Variants in GGT5 observed in about 807,000 individuals in gnomAD.
The protein encoded by GGT5 is gamma-glutamyltransferase 5, also known as glutathione hydrolase 5 proenzyme.
A neutral mutation model predicts 58.1 loss-of-function variants in GGT5; 50 were observed. The observed-to-expected ratio is 0.86, with a 90% CI of 0.69 to 1.09. The LOEUF (loss-of-function observed/expected upper bound fraction) is 1.09, where lower values mean the gene tolerates loss of function less well. Among genes scored for constraint, GGT5 ranks in the 50% least tolerant of loss-of-function variants. The pLI is 0.00. For missense variants in GGT5, 800 were observed against 789.4 expected (o/e 1.01, Z -0.16); for synonymous variants, 370 against 346.1 (o/e 1.07, Z -0.77).
At chr22:24,234,040 C>T (rs1345089651) in intron 1 of GGT5, 36 bp from the exon 2 acceptor site, 1 of 1,561,144 alleles carries the variant, frequency 6.4e-7, no homozygotes, top group Non-Finnish European at 8.7e-7. Flanking sequence ...GTGGGGCTCC[C>T]CTCCCCCTGC....
In GGT5 at chr22:24,219,749, G is replaced by C; in HGVS notation, c.*221C>G. ...CAGGCAAGAGGCCTGCGGAGGGATAGAGGGGCCGGTTCAGGACCACCAGGG... is the reference window on the plus strand; with the variant it reads ...CAGGCAAGAGGCCTGCGGAGGGATACAGGGGCCGGTTCAGGACCACCAGGG... On this transcript the variant is annotated 3_prime_UTR_variant, in exon 12 of 12. Coordinates refer to ENST00000327365, the MANE Select transcript of GGT5 (RefSeq NM_004121.5). The C allele has an allele frequency of 1.8e-6, 1 of 566,128 alleles. No individual in the cohort carries two copies. Among genetic ancestry groups the C allele is most frequent in the South Asian group, 2.2e-5 (1 of 45,702 alleles). 35.1% of individuals were successfully genotyped at this position (566,128 alleles called of 1,614,324 possible).
At chr22:24,242,526 G>A (rs552473503) in intron 1 of GGT5, 2 of 152,386 alleles carry the variant, frequency 1.3e-5, no homozygotes, top group South Asian at 2.1e-4. Context: ...GAACCAAGGA[G>A]GCAGAGGTTG....
chr22:24,224,419 G>A (rs1042250401), intron 11 of GGT5, among the ~76,000 whole-genome samples: 20 of 151,920 alleles, frequency 1.3e-4, no homozygotes, highest in African/African-American at 1.5e-4. Context: ...TTGGGAGCCT[G>A]AGGAGGAAGG....
At chr22:24,225,956 GA>G in intron 8 of GGT5, 119 bp downstream of exon 8, 1 of 733,060 alleles carries the variant, frequency 1.4e-6, no homozygotes, top group East Asian at 2.7e-5. Flanking sequence ...TAGAGGAGGA[GA>G]AAAAGGGCAA....
At chr22:24,238,598 G>A (rs147801130) in intron 1 of GGT5, among the ~76,000 whole-genome samples, 3,693 of 140,498 alleles carry the variant, frequency 0.026, 189 homozygotes, top group African/African-American at 0.094. Context: ...CAGCTACTCA[G>A]GTGGCTGAGA....
At position 24,233,022 on chromosome 22, in the gene GGT5, C is replaced by A; in HGVS notation, c.401-4G>T. 6.6e-7 allele frequency: 1 copy of A among 1,517,258 alleles called. No homozygotes were observed. The highest frequency in any genetic ancestry group is 2.0e-5 in the Admixed American group (1 of 49,066). The allele number at this position is 1,517,258 out of a possible 1,614,324, so 94.0% of individuals were successfully genotyped here. Reference sequence around the variant, plus strand: ...GGCACCCCGATCCACTGGGCCCCTGCATGGCACATCCCAGCTCTCAACCCT... The same window carrying A: ...GGCACCCCGATCCACTGGGCCCCTGAATGGCACATCCCAGCTCTCAACCCT... On this transcript the variant is annotated splice_region_variant and splice_polypyrimidine_tract_variant and intron_variant, in intron 3 of 11. Transcript: ENST00000327365.
intron 6 of GGT5, among the ~76,000 whole-genome samples, chr22:24,227,952 G>A (rs753984888): frequency 3.8e-4 from 58 of 150,934 alleles, no homozygotes; most frequent in Non-Finnish European, 6.2e-4. Flanking sequence ...GGGAGGCTGA[G>A]GAGGGAGAAT....
chr22:24,222,848 C>T (rs182997099), intron 11 of GGT5, among the ~76,000 whole-genome samples: 20 of 150,326 alleles, frequency 1.3e-4, no homozygotes, highest in South Asian at 2.1e-4. Flanking sequence ...GAGGCCAAGG[C>T]GGGCGGATCA....
intron 2 of GGT5, 71 bp downstream of exon 2, chr22:24,233,803 G>A: frequency 6.9e-7 from 1 of 1,445,010 alleles, no homozygotes; most frequent in South Asian, 1.2e-5. Flanking sequence ...TGATGGGACT[G>A]GCTGGAGAAG....
intron 6 of GGT5, among the ~76,000 whole-genome samples, chr22:24,227,247 G>A (rs1157936346): frequency 2.0e-5 from 3 of 151,002 alleles, no homozygotes; most frequent in Non-Finnish European, 4.4e-5. Context: ...ATCATGCCCC[G>A]CCTTTTTTGT....
rs1412567063 is a variant in GGT5, at chr22:24,219,878, A to T, written c.*92T>A. On this transcript the variant is annotated 3_prime_UTR_variant, in exon 12 of 12. Transcript: ENST00000327365. ...CTGGACTCCCCTGCCAGGGGTCCAG[A>T]TCCTGCCAGAGTAGTTGGTCCCCCA... 1.2e-5 allele frequency: 15 copies of T among 1,302,908 alleles called. No individual in the cohort carries two copies. The highest frequency in any genetic ancestry group is 1.5e-5 in the Non-Finnish European group (14 of 921,164). 80.7% of individuals were successfully genotyped at this position (1,302,908 alleles called of 1,614,324 possible).
At chr22:24,225,140 G>T in intron 10 of GGT5, 34 bp from the exon 11 acceptor site, 1 of 1,571,572 alleles carries the variant, frequency 6.4e-7, no homozygotes. Context: ...GGGAGAAAGG[G>T]GGCACCCTGC....
chr22:24,225,572 C>A lies in GGT5; in HGVS notation c.1310G>T (p.Arg437Leu). Residue 437 changes from arginine (R) to leucine (L), a missense_variant, in exon 9 of 12, where the codon CGG becomes CTG. Coordinates refer to ENST00000327365, the MANE Select transcript of GGT5 (RefSeq NM_004121.5). ...AGGTGAGGGGGTGGTGCCGGAACCC[C>A]GGGGGCATCGCTCGCATAAGTCCAG... ...ELLDLCERCP[R>L]GSGTTPSPVS... 1 of 1,612,670 alleles carries A rather than the reference C, an allele frequency of 6.2e-7. No homozygotes were observed.
chr22:24,236,075 G>A (rs2048087062), intron 1 of GGT5, among the ~76,000 whole-genome samples: 1 of 151,964 alleles, frequency 6.6e-6, no homozygotes, highest in African/African-American at 2.4e-5. Flanking sequence ...CTTTAACTCC[G>A]CCAGTCCTCT....
chr22:24,243,320 C>T (rs1373625271), intron 1 of GGT5: 3 of 152,324 alleles, frequency 2.0e-5, no homozygotes, highest in African/African-American at 7.2e-5. Flanking sequence ...ACTAAGCAGT[C>T]CCCAGCCCCG....
intron 1 of GGT5, 128 bp downstream of exon 1, chr22:24,244,425 C>G: frequency 1.3e-6 from 1 of 797,032 alleles, no homozygotes; most frequent in African/African-American, 1.7e-5. Context: ...TGCATGCAAT[C>G]ACACATACCC....
At chr22:24,223,493 G>A (rs999164557) in intron 11 of GGT5, among the ~76,000 whole-genome samples, 6 of 152,164 alleles carry the variant, frequency 3.9e-5, no homozygotes, top group African/African-American at 7.2e-5. Context: ...CCTGGAACCC[G>A]AGAGCCCTGA....
At chr22:24,233,452 C>T (rs780154902) in intron 3 of GGT5, 46 bp downstream of exon 3, 6 of 1,106,774 alleles carry the variant, frequency 5.4e-6, no homozygotes, top group Middle Eastern at 6.0e-4. Context: ...CTGATTAGTC[C>T]TAGTGGCCTG....
At position 24,238,955 on chromosome 22, in the gene GGT5, T is replaced by C. The variant is rs2048250804; in HGVS notation, c.174-4951A>G. The stretch of plus-strand genomic sequence containing the variant: ...ATATTATATAATATATATATATATA[T>C]ATAATATATATATAGCCCATGACAC... On this transcript the variant is annotated intron_variant, in intron 1 of 11. Coordinates refer to ENST00000327365, the MANE Select transcript of GGT5 (RefSeq NM_004121.5). 4.6e-5 allele frequency among the ~76,000 whole-genome samples: 2 copies of C among 43,188 alleles called. 1 individual carries two copies. Among genetic ancestry groups the C allele is most frequent in the African/African-American group, 1.5e-4 (2 of 13,116 alleles). 28.3% of individuals were successfully genotyped at this position (43,188 alleles called of 152,430 possible). A position where few individuals can be genotyped will look rare whatever the true frequency, so the allele number is the denominator to read the frequency against.
Sources: gnomAD v4.1 joint callset for allele counts (sites outside exome capture counted in the v4.1 genomes callset) on GRCh38, gnomAD v4.1.1 for gene constraint, MANE v1.5 for transcripts, NCBI Gene and HGNC (gene_info 2026-07-23, HGNC 2026-07-21) for gene names.